Variants in MATCAP2 observed in about 807,000 individuals in gnomAD.
The protein encoded by MATCAP2 is microtubule associated tyrosine carboxypeptidase 2, also known as putative tyrosine carboxypeptidase MATCAP2.
At chr7:36,388,299 T>TAA in the MATCAP2 span, among the ~76,000 whole-genome samples, 56 of 140,956 alleles carry the variant, frequency 4.0e-4, no homozygotes, top group African/African-American at 8.3e-4. Context: ...CCACAAAGGT[T>TAA]AAAAAAAAAA....
At chr7:36,329,202 A>C in the MATCAP2 span, among the ~76,000 whole-genome samples, 3 of 152,200 alleles carry the variant, frequency 2.0e-5, no homozygotes, top group Non-Finnish European at 4.4e-5. Flanking sequence ...TGGTTTAATA[A>C]TTCTTAAACT....
At chr7:36,327,756 A>G in the MATCAP2 span, among the ~76,000 whole-genome samples, 17 of 152,232 alleles carry the variant, frequency 1.1e-4, no homozygotes, top group Non-Finnish European at 2.1e-4. Flanking sequence ...GGAATTTCCA[A>G]TTTGGGGATT....
the MATCAP2 span, among the ~76,000 whole-genome samples, chr7:36,363,957 T>C: frequency 6.6e-6 from 1 of 152,116 alleles, no homozygotes; most frequent in South Asian, 2.1e-4. Context: ...AATCATTAAA[T>C]TTGAATTCCA....
the MATCAP2 span, among the ~76,000 whole-genome samples, chr7:36,380,915 G>C: frequency 1.1e-4 from 17 of 152,268 alleles, no homozygotes; most frequent in African/African-American, 4.1e-4. Context: ...ATTTTTAGTA[G>C]AGATGGGGTT....
chr7:36,333,474 C>G, the MATCAP2 span, among the ~76,000 whole-genome samples: 1 of 152,000 alleles, frequency 6.6e-6, no homozygotes, highest in African/African-American at 2.4e-5. Flanking sequence ...TTCTAAAAAT[C>G]ACTGAACTCT....
the MATCAP2 span, chr7:36,367,098 G>A: frequency 1.6e-6 from 2 of 1,245,760 alleles, no homozygotes; most frequent in African/African-American, 3.1e-5. Flanking sequence ...GGTAAGGGCG[G>A]ACGAAGACGT....
chr7:36,342,126 G>A, the MATCAP2 span, among the ~76,000 whole-genome samples: 1 of 151,448 alleles, frequency 6.6e-6, no homozygotes, highest in African/African-American at 2.4e-5. Flanking sequence ...GTTTGTGGAA[G>A]CACTAAAACA....
At chr7:36,365,559 G>T in the MATCAP2 span, among the ~76,000 whole-genome samples, 1 of 152,284 alleles carries the variant, frequency 6.6e-6, no homozygotes, top group South Asian at 2.1e-4. Flanking sequence ...AATCCGGCGG[G>T]CGTGGTAGCA....
the MATCAP2 span, among the ~76,000 whole-genome samples, chr7:36,380,966 ACTCCCTTTTTT>A: frequency 3.3e-5 from 5 of 151,240 alleles, no homozygotes; most frequent in Non-Finnish European, 5.9e-5. Context: ...TTTGTTTTAA[ACTCCCTTTTTT>A]CTTGGCCTCC....
At chr7:36,339,111 AT>A in the MATCAP2 span, among the ~76,000 whole-genome samples, 2 of 152,114 alleles carry the variant, frequency 1.3e-5, no homozygotes, top group African/African-American at 4.8e-5. Context: ...GGTCCTTCAT[AT>A]TTGTCTTAGA....
At chr7:36,336,016 G>C in the MATCAP2 span, 2 of 502,340 alleles carry the variant, frequency 4.0e-6, no homozygotes, top group East Asian at 8.1e-5. Context: ...AGGTTGCAGT[G>C]AGCCGAGATT....
the MATCAP2 span, among the ~76,000 whole-genome samples, chr7:36,360,134 T>C: frequency 9.2e-5 from 14 of 152,332 alleles, no homozygotes; most frequent in Middle Eastern, 0.01. Flanking sequence ...ATTACATATA[T>C]GTTGTACTGA....
At chr7:36,364,395 C>T in the MATCAP2 span, among the ~76,000 whole-genome samples, 9 of 152,000 alleles carry the variant, frequency 5.9e-5, no homozygotes, top group Admixed American at 5.2e-4. Context: ...AGCCTCAGAA[C>T]CTTCTTCTTT....
chr7:36,378,750 T>C, the MATCAP2 span, among the ~76,000 whole-genome samples: 1 of 152,192 alleles, frequency 6.6e-6, no homozygotes, highest in Non-Finnish European at 1.5e-5. Flanking sequence ...TGTGGTGGGC[T>C]CCACCCAGTT....
chr7:36,336,870 G>A, the MATCAP2 span, among the ~76,000 whole-genome samples: 2 of 151,570 alleles, frequency 1.3e-5, no homozygotes, highest in East Asian at 1.9e-4. Context: ...TGAGGCAGGC[G>A]GATCACTTGA....
the MATCAP2 span, chr7:36,356,880 C>T: frequency 5.1e-6 from 8 of 1,576,450 alleles, no homozygotes; most frequent in East Asian, 1.8e-4. Context: ...AATGAACTAC[C>T]ACTATTGAAA....
At chr7:36,332,134 A>AGTAT in the MATCAP2 span, among the ~76,000 whole-genome samples, 1 of 152,132 alleles carries the variant, frequency 6.6e-6, no homozygotes, top group Non-Finnish European at 1.5e-5. Context: ...AAAACACAGA[A>AGTAT]GTATGTGAAA....
chr7:36,334,473 T>A, the MATCAP2 span, among the ~76,000 whole-genome samples: 2 of 130,708 alleles, frequency 1.5e-5, no homozygotes, highest in East Asian at 2.4e-4. Flanking sequence ...GAGGCAGAGG[T>A]TGCAGTGAGC....
At chr7:36,352,869 G>A in the MATCAP2 span, among the ~76,000 whole-genome samples, 2 of 150,978 alleles carry the variant, frequency 1.3e-5, no homozygotes, top group African/African-American at 4.9e-5. Flanking sequence ...AGTAAATTAC[G>A]ACTTTGTTCT....
Sources: allele counts gnomAD v4.1 joint callset (sites outside exome capture counted in the v4.1 genomes callset), GRCh38; gene constraint gnomAD v4.1.1; transcripts MANE v1.5; gene names NCBI Gene and HGNC (gene_info 2026-07-23, HGNC 2026-07-21).